The following CPXM2 variants were observed in gnomAD, a reference collection of about 807,000 sequenced individuals.
The protein encoded by CPXM2 is carboxypeptidase X, M14 family member 2, also known as inactive carboxypeptidase-like protein X2.
CPXM2 carries 66 observed loss-of-function variants against 86.1 expected under a neutral mutation model. The observed-to-expected ratio is 0.77, with a 90% CI of 0.63 to 0.94. The LOEUF (loss-of-function observed/expected upper bound fraction) is 0.94. Ranked by LOEUF, CPXM2 falls within the 40% of genes least tolerant of loss-of-function variation. The probability of loss-of-function intolerance (pLI) is 0.00; values close to 1 mark genes in which losing one functional copy is unlikely to be tolerated. For missense variants in CPXM2, 948 were observed against 1,026.3 expected (o/e 0.92, Z 1.04); for synonymous variants, 388 against 400.2 (o/e 0.97, Z 0.36).
At chr10:123,829,293 C>T (rs1244929879) in intron 4 of CPXM2, among the ~76,000 whole-genome samples, 1 of 152,128 alleles carries the variant, frequency 6.6e-6, no homozygotes, top group Non-Finnish European at 1.5e-5. Flanking sequence ...TGAACAGTCA[C>T]TCAAGGAAAC....
chr10:123,783,820 C>T (rs1169982824), intron 6 of CPXM2, among the ~76,000 whole-genome samples: 1 of 152,170 alleles, frequency 6.6e-6, no homozygotes, highest in Admixed American at 6.5e-5. Context: ...ACAGAGGGAG[C>T]TTTGATCCCT....
chr10:123,787,231 T>G (rs977823651), intron 6 of CPXM2, among the ~76,000 whole-genome samples: 2 of 151,902 alleles, frequency 1.3e-5, no homozygotes, highest in Admixed American at 1.3e-4. Context: ...AGGGACACAA[T>G]TGGAAGAGAA....
At chr10:123,910,791 A>G (rs116723941) in intron 2 of CPXM2, among the ~76,000 whole-genome samples, 280 of 152,240 alleles carry the variant, frequency 1.8e-3, no homozygotes, top group African/African-American at 6.2e-3. Context: ...TGAAGGCCAG[A>G]ATTCTGAGAT....
chr10:123,879,480 G>GATA, intron 2 of CPXM2, among the ~76,000 whole-genome samples: 1 of 152,074 alleles, frequency 6.6e-6, no homozygotes, highest in South Asian at 2.1e-4. Flanking sequence ...GGATAATAAT[G>GATA]ATAATAATAA....
At chr10:123,775,188 G>A (rs961353194) in intron 7 of CPXM2, among the ~76,000 whole-genome samples, 5 of 152,154 alleles carry the variant, frequency 3.3e-5, no homozygotes, top group Non-Finnish European at 7.3e-5. Context: ...CATCTCTGCT[G>A]CTTGTTTTAT....
chr10:123,891,193 G>C lies in CPXM2; in HGVS notation c.304+163C>G, dbSNP rs28741041. On this transcript the variant is annotated intron_variant, in intron 1 of 13. Coordinates refer to ENST00000241305, the MANE Select transcript of CPXM2 (RefSeq NM_198148.3). The surrounding 1 kb of genome is among the most constrained non-coding windows in gnomAD (Gnocchi z 5.6). ...CAAGTTCTGGGAAGCTGGGCGGGCC[G>C]GCAGGAAGCGCAGATACAGTCCCTA... Among the ~76,000 whole-genome samples the C allele has an allele frequency of 0.36, 55,340 of 152,144 alleles. 10,664 individuals carry two copies. Among genetic ancestry groups the C allele is most frequent in the Non-Finnish European group, 0.39 (26,804 of 67,962 alleles).
rs565234148 is a variant in CPXM2 at position 123,930,019 on chromosome 10, G to A, written n.174+9458C>T. Among the ~76,000 whole-genome samples, 37 of 152,258 alleles carry A rather than the reference G, an allele frequency of 2.4e-4. No homozygotes were observed. In the East Asian group the frequency reaches 2.5e-3, roughly 10 times the overall value. On this transcript the variant is annotated intron_variant and non_coding_transcript_variant, in intron 2 of 19. Coordinates refer to the CPXM2 transcript ENST00000368854. ...TGCTGTGGGCGTGGCTGCCCAGCCC[G>A]TCCTGGGCCATCTCTGTCCCCTGAA...
At chr10:123,793,654 A>G (rs1847260522) in intron 6 of CPXM2, among the ~76,000 whole-genome samples, 1 of 152,002 alleles carries the variant, frequency 6.6e-6, no homozygotes, top group Admixed American at 6.5e-5. Context: ...ATGCCCATCA[A>G]AAAGAAGCTC....
intron 12 of CPXM2, among the ~76,000 whole-genome samples, chr10:123,756,092 C>T (rs770610654): frequency 6.6e-6 from 1 of 152,184 alleles, no homozygotes; most frequent in South Asian, 2.1e-4. Context: ...GCCCCCTGTG[C>T]AGAAGTGCAG....
In CPXM2 at chr10:123,827,378, C is replaced by A. The variant is rs532492602; in HGVS notation, c.653+14971G>T. On this transcript the variant is annotated intron_variant, in intron 4 of 13. Coordinates refer to ENST00000241305, the MANE Select transcript of CPXM2 (RefSeq NM_198148.3). ...ACAAAGATTGCCCACCAAAAGTAAACCTTTACCATACTGTCATGTGTGAAT... is the reference window on the plus strand; with the variant it reads ...ACAAAGATTGCCCACCAAAAGTAAAACTTTACCATACTGTCATGTGTGAAT... 5.3e-5 allele frequency among the ~76,000 whole-genome samples: 8 copies of A among 152,202 alleles called. No homozygotes were observed. The South Asian group carries it at 1.7e-3, about 32-fold the overall frequency.
chr10:123,860,173 T>A (rs1316579837), intron 3 of CPXM2, among the ~76,000 whole-genome samples: 1 of 152,196 alleles, frequency 6.6e-6, no homozygotes, highest in Non-Finnish European at 1.5e-5. Flanking sequence ...AACCTGGGAC[T>A]TTCCTCATAC....
chr10:123,891,366 C>T lies in CPXM2; in HGVS notation c.294G>A (p.Pro98=), dbSNP rs1479214611. 6 of 1,548,328 alleles carry T rather than the reference C, an allele frequency of 3.9e-6. No individual in the cohort carries two copies. The highest frequency in any genetic ancestry group is 3.6e-5 in the South Asian group (3 of 83,064). ...APKREKSAPE[P]PPPGKHSNKK... is the part of the protein sequence containing the mutation. ...CAGAAAGTTCCTTACCTGGTGGAGG[C>T]GGCTCCGGAGCCGACTTCTCCCTCT... The change falls in exon 1 of 14, where the codon CCG becomes CCA. Residue 98 remains proline, a synonymous_variant. Coordinates refer to ENST00000241305, the MANE Select transcript of CPXM2 (RefSeq NM_198148.3). The surrounding 1 kb of genome is among the most constrained non-coding windows in gnomAD (Gnocchi z 5.6).
chr10:123,799,050 C>T, intron 5 of CPXM2, 65 bp downstream of exon 5: 1 of 1,571,910 alleles, frequency 6.4e-7, no homozygotes. Context: ...TCATACATTG[C>T]CTCTCTTTGC....
chr10:123,757,127 C>CT, intron 12 of CPXM2, 86 bp downstream of exon 12: 1 of 1,291,426 alleles, frequency 7.7e-7, no homozygotes, highest in Middle Eastern at 2.3e-4. Flanking sequence ...GTCTGAAGCT[C>CT]TAATTCCATC....
At chr10:123,813,080 C>G (rs550885339) in intron 4 of CPXM2, among the ~76,000 whole-genome samples, 6 of 152,182 alleles carry the variant, frequency 3.9e-5, no homozygotes, top group Admixed American at 2.6e-4. Context: ...GAAAACGCCA[C>G]AACTACCTTT....
chr10:123,752,141 C>T (rs1378528740), intron 13 of CPXM2: 1 of 985,326 alleles, frequency 1.0e-6, no homozygotes, highest in Non-Finnish European at 1.2e-6. Context: ...CTATGCAGAA[C>T]CACATCACAC....
intron 2 of CPXM2, among the ~76,000 whole-genome samples, chr10:123,907,746 A>T (rs991457885): frequency 2.0e-5 from 3 of 151,868 alleles, no homozygotes; most frequent in Non-Finnish European, 2.9e-5. Flanking sequence ...GTGCCAAGAA[A>T]GGGACTGGAC....
rs548701913 is a variant in CPXM2, at chr10:123,813,102, C to A, written c.654-13903G>T. 4.6e-5 allele frequency among the ~76,000 whole-genome samples: 7 copies of A among 152,188 alleles called. No individual in the cohort carries two copies. The East Asian group carries it at 1.4e-3, about 29-fold the overall frequency. ...CCACAACTACCTTTTGTGAAACAGA[C>A]GTGTGTAAAGATGCCACATTCATCT... is the stretch of plus-strand genomic sequence containing the variant. On this transcript the variant is annotated intron_variant, in intron 4 of 13. Transcript: ENST00000241305.
chr10:123,922,092 T>C (rs1175761190), intron 2 of CPXM2, among the ~76,000 whole-genome samples: 1 of 152,206 alleles, frequency 6.6e-6, no homozygotes, highest in Non-Finnish European at 1.5e-5. Flanking sequence ...TTGTGGGGGC[T>C]GTCCTGTGCA....
Sources: allele counts gnomAD v4.1 joint callset (sites outside exome capture counted in the v4.1 genomes callset), GRCh38; gene constraint gnomAD v4.1.1; non-coding constraint Gnocchi (gnomAD v3.1); transcripts MANE v1.5; gene names NCBI Gene and HGNC (gene_info 2026-07-23, HGNC 2026-07-21).